Variants in DISC1 observed in about 807,000 individuals in gnomAD.
The protein encoded by DISC1 is DISC1 scaffold protein.
Under a neutral mutation model 84.5 loss-of-function variants are expected in DISC1, and 57 were observed. The observed-to-expected ratio is 0.67, with a 90% CI of 0.55 to 0.84. The LOEUF (loss-of-function observed/expected upper bound fraction) is 0.84. DISC1 is among the 40% of genes least tolerant of loss of function. The probability of loss-of-function intolerance (pLI) is 0.00; values close to 1 mark genes in which losing one functional copy is unlikely to be tolerated. For missense variants in DISC1, 1,000 were observed against 1,057.8 expected (o/e 0.95, Z 0.76); for synonymous variants, 411 against 415.2 (o/e 0.99, Z 0.12).
intron 9 of DISC1, among the ~76,000 whole-genome samples, chr1:231,942,235 T>C (rs1280062395): frequency 6.6e-6 from 1 of 152,138 alleles, no homozygotes; most frequent in African/African-American, 2.4e-5. Context: ...TATAAAAAGG[T>C]GCAGGGGAGG....
intron 12 of DISC1, among the ~76,000 whole-genome samples, chr1:232,034,415 G>T (rs770451925): frequency 2.6e-5 from 4 of 152,228 alleles, no homozygotes; most frequent in Non-Finnish European, 5.9e-5. Context: ...TAGCTAGGGA[G>T]TTATCTCCTC....
intron 7 of DISC1, among the ~76,000 whole-genome samples, chr1:231,798,146 C>CA (rs1454856536): frequency 1.3e-5 from 2 of 149,444 alleles, no homozygotes; most frequent in South Asian, 2.1e-4. Flanking sequence ...TACACACACA[C>CA]CCCTACCTGA....
chr1:231,793,391 C>T (rs550419620), intron 6 of DISC1, among the ~76,000 whole-genome samples: 15 of 152,322 alleles, frequency 9.8e-5, no homozygotes, highest in Admixed American at 4.6e-4. Context: ...TGTCTTCATG[C>T]TCTAAGTTCC....
intron 10 of DISC1, among the ~76,000 whole-genome samples, chr1:231,965,329 T>C (rs974000461): frequency 8.5e-5 from 13 of 152,222 alleles, no homozygotes; most frequent in African/African-American, 2.9e-4. Context: ...GTGGATTTTT[T>C]TTCCAATTTC....
chr1:231,791,289 G>A (rs565393416), intron 6 of DISC1, among the ~76,000 whole-genome samples: 12 of 152,260 alleles, frequency 7.9e-5, no homozygotes, highest in Admixed American at 2.0e-4. Context: ...TTCTGGGAGC[G>A]GTAGTTAGTA....
chr1:231,877,344 G>A (rs181827662), intron 9 of DISC1, among the ~76,000 whole-genome samples: 4 of 152,338 alleles, frequency 2.6e-5, no homozygotes, highest in Admixed American at 2.6e-4. Flanking sequence ...AAAAGGTCAT[G>A]TTGTACTAGT....
At chr1:231,693,630 A>G (rs554435712) in intron 1 of DISC1, among the ~76,000 whole-genome samples, 196 bp from the exon 2 acceptor site, 17 of 152,300 alleles carry the variant, frequency 1.1e-4, no homozygotes, top group African/African-American at 4.1e-4. Flanking sequence ...TGATTTCTAC[A>G]TGTTCCAGGC....
chr1:231,971,625 CTTTAGGTGCTGGGCTGTATCCCATTAT>C (rs1027015045), intron 10 of DISC1, among the ~76,000 whole-genome samples: 1 of 152,220 alleles, frequency 6.6e-6, no homozygotes, highest in Non-Finnish European at 1.5e-5. Flanking sequence ...GCTGCAGACA[CTTTAGGTGCTGGGCTGTATCCCATTAT>C]ATCTGGATGC....
intron 1 of DISC1, among the ~76,000 whole-genome samples, chr1:231,662,617 A>G (rs1211591769): frequency 2.6e-5 from 4 of 152,238 alleles, no homozygotes; most frequent in African/African-American, 7.2e-5. Context: ...TGGAAAGGCC[A>G]AGTCTACTGG....
intron 9 of DISC1, among the ~76,000 whole-genome samples, chr1:231,828,297 T>C (rs1054181219): frequency 6.6e-6 from 1 of 152,214 alleles, no homozygotes; most frequent in Non-Finnish European, 1.5e-5. Flanking sequence ...CATTCTACTT[T>C]GCTTCGTATG....
In DISC1 at chr1:232,009,477, ATAT is replaced by A; in HGVS notation, c.2307+431_2307+433del. 1.6e-6 allele frequency: 1 copy of A among 616,834 alleles called. No homozygotes were observed. The highest frequency in any genetic ancestry group is 2.0e-6 in the Non-Finnish European group (1 of 494,784). The allele number at this position is 616,834 out of a possible 1,614,324, so 38.2% of individuals were successfully genotyped here. A position where few individuals can be genotyped will look rare whatever the true frequency, so the allele number is the denominator to read the frequency against. On this transcript the variant is annotated intron_variant, in intron 11 of 12. Transcript: ENST00000439617. The surrounding 1 kb of genome is among the most constrained non-coding windows in gnomAD (Gnocchi z 4.6). ...TGATGTTTATATATTTAGAATCTAT[ATAT>A]TACAATATATTATTATTTATTTGAA... is the stretch of plus-strand genomic sequence containing the variant.
At chr1:231,669,851 C>T (rs1281470685) in intron 1 of DISC1, among the ~76,000 whole-genome samples, 2 of 151,878 alleles carry the variant, frequency 1.3e-5, no homozygotes, top group African/African-American at 4.8e-5. Flanking sequence ...TATCATTTGA[C>T]CCAACAATTC....
chr1:231,819,131 G>C, intron 9 of DISC1: 1 of 986,212 alleles, frequency 1.0e-6, no homozygotes, highest in Non-Finnish European at 1.2e-6. Context: ...GAAGACGCTG[G>C]TTCAGTGCAA....
intron 10 of DISC1, among the ~76,000 whole-genome samples, chr1:231,986,451 C>G (rs1225565559): frequency 6.6e-6 from 1 of 152,160 alleles, no homozygotes; most frequent in African/African-American, 2.4e-5. Context: ...TTACTTCAAG[C>G]TACAGTAGTG....
intron 9 of DISC1, among the ~76,000 whole-genome samples, chr1:231,896,012 A>G (rs891614813): frequency 6.6e-6 from 1 of 152,206 alleles, no homozygotes; most frequent in African/African-American, 2.4e-5. Context: ...CTCTAGCATC[A>G]TACAGGCTGA....
chr1:231,713,680 G>GATATATATATATATATATAGGAGAT (rs1321473055), intron 3 of DISC1, among the ~76,000 whole-genome samples: 23 of 120,802 alleles, frequency 1.9e-4, no homozygotes, highest in African/African-American at 7.6e-4. Flanking sequence ...TCATGAAGCA[G>GATATATATATATATATATAGGAGAT]ATATATATAT....
chr1:231,861,452 GTT>G (rs59522401), intron 9 of DISC1, among the ~76,000 whole-genome samples: 31,065 of 88,750 alleles, frequency 0.35, 4,815 homozygotes, highest in East Asian at 0.44. Flanking sequence ...ATTTTGACAA[GTT>G]TTTTTTTTTT....
At chr1:231,686,270 T>C (rs907851145) in intron 1 of DISC1, among the ~76,000 whole-genome samples, 13 of 152,180 alleles carry the variant, frequency 8.5e-5, no homozygotes, top group Non-Finnish European at 1.6e-4. Flanking sequence ...ATATTTCCCT[T>C]CCTCTGCCCT....
At chr1:231,997,539 A>G (rs1024110661) in intron 10 of DISC1, among the ~76,000 whole-genome samples, 5 of 152,084 alleles carry the variant, frequency 3.3e-5, no homozygotes, top group Non-Finnish European at 5.9e-5. Flanking sequence ...AGGAAGGCCA[A>G]TCCTACCTAG....
Sources: allele counts gnomAD v4.1 joint callset (sites outside exome capture counted in the v4.1 genomes callset), GRCh38; gene constraint gnomAD v4.1.1; non-coding constraint Gnocchi (gnomAD v3.1); transcripts MANE v1.5; gene names NCBI Gene and HGNC (gene_info 2026-07-23, HGNC 2026-07-21).